Variants in GALM observed in about 807,000 individuals in gnomAD.
GALM encodes the protein galactose mutarotase.
GALM carries 43 observed loss-of-function variants against 37.4 expected under a neutral mutation model. The observed-to-expected ratio is 1.15, with a 90% CI of 0.90 to 1.48. The LOEUF is 1.48. Among genes scored for constraint, GALM ranks in the 40% most tolerant of loss-of-function variants. The pLI is 0.00. For synonymous variants in GALM, 199 were observed against 170.6 expected (o/e 1.17, Z -1.30); for missense variants, 456 against 419.1 (o/e 1.09, Z -0.77).
chr2:38,698,411 C>G (rs1665852732), intron 4 of GALM: 2 of 1,303,832 alleles, frequency 1.5e-6, no homozygotes, highest in Admixed American at 2.3e-5. Flanking sequence ...CTCCTTTTAC[C>G]CATGGACCAG....
chr2:38,708,806 T>A (rs2148447340), intron 4 of GALM, among the ~76,000 whole-genome samples: 1 of 149,668 alleles, frequency 6.7e-6, no homozygotes, highest in South Asian at 2.1e-4. Flanking sequence ...GGCAGGGAAG[T>A]GGGGTCAAAT....
At chr2:38,720,782 A>G (rs1021705119) in intron 4 of GALM, among the ~76,000 whole-genome samples, 1 of 152,194 alleles carries the variant, frequency 6.6e-6, no homozygotes, top group Non-Finnish European at 1.5e-5. Context: ...TGTCAGCCAG[A>G]ACAGCCCACA....
chr2:38,729,964 A>G (rs569703676), intron 5 of GALM, among the ~76,000 whole-genome samples: 89 of 152,054 alleles, frequency 5.9e-4, no homozygotes, highest in Middle Eastern at 3.4e-3. Context: ...ATTTTCTGTT[A>G]GAAGCCTTAA....
intron 3 of GALM, among the ~76,000 whole-genome samples, chr2:38,688,142 G>A (rs1280588881): frequency 6.6e-6 from 1 of 151,714 alleles, no homozygotes; most frequent in African/African-American, 2.4e-5. Flanking sequence ...AACCTGGGAG[G>A]CAGAGACTGC....
At chr2:38,702,295 C>A (rs6743790) in intron 4 of GALM, among the ~76,000 whole-genome samples, 34,672 of 151,776 alleles carry the variant, frequency 0.23, 4,707 homozygotes, top group Non-Finnish European at 0.3. Flanking sequence ...GGCTCTCAGG[C>A]CTCCCCAAAA....
intron 4 of GALM, among the ~76,000 whole-genome samples, chr2:38,690,242 CGGTT>C (rs1665641571): frequency 6.6e-6 from 1 of 151,846 alleles, no homozygotes; most frequent in Non-Finnish European, 1.5e-5. Flanking sequence ...GAGGCCAAGG[CGGTT>C]GGATCACTTG....
chr2:38,695,116 A>G (rs963837712), intron 4 of GALM, among the ~76,000 whole-genome samples: 5 of 151,788 alleles, frequency 3.3e-5, no homozygotes, highest in African/African-American at 7.3e-5. Flanking sequence ...TAGAAAAATC[A>G]CCTTCGGTAG....
At chr2:38,725,202 C>A (rs1666459889) in intron 4 of GALM, among the ~76,000 whole-genome samples, 2 of 152,094 alleles carry the variant, frequency 1.3e-5, no homozygotes, top group African/African-American at 4.8e-5. Context: ...TCTTCCTGAG[C>A]CCATGAGAAT....
intron 5 of GALM, 87 bp downstream of exon 5, chr2:38,729,784 A>T: frequency 9.0e-7 from 1 of 1,117,066 alleles, no homozygotes; most frequent in South Asian, 1.4e-5. Flanking sequence ...TGGCCATATC[A>T]ATAGCATTTA....
At chr2:38,708,383 G>A (rs1666083555) in intron 4 of GALM, among the ~76,000 whole-genome samples, 2 of 152,104 alleles carry the variant, frequency 1.3e-5, no homozygotes, top group African/African-American at 2.4e-5. Context: ...TTTAGCACAG[G>A]GCCATGGAAT....
intron 1 of GALM, among the ~76,000 whole-genome samples, chr2:38,674,596 A>G (rs1318243127): frequency 2.0e-5 from 3 of 152,288 alleles, no homozygotes; most frequent in East Asian, 1.9e-4. Context: ...CAAGCATTCT[A>G]TATTTCCTCT....
At chr2:38,711,552 T>C (rs920641744) in intron 4 of GALM, among the ~76,000 whole-genome samples, 16 of 152,008 alleles carry the variant, frequency 1.1e-4, no homozygotes, top group African/African-American at 3.9e-4. Flanking sequence ...CAGCCACATT[T>C]CTTCCTAGTC....
chr2:38,694,307 G>C (rs1170854419), intron 4 of GALM, among the ~76,000 whole-genome samples: 1 of 152,174 alleles, frequency 6.6e-6, no homozygotes, highest in East Asian at 1.9e-4. Flanking sequence ...CAATAAATGA[G>C]AAGTAAGCCA....
At chr2:38,703,222 C>G (rs558562002) in intron 4 of GALM, among the ~76,000 whole-genome samples, 1 of 145,778 alleles carries the variant, frequency 6.9e-6, no homozygotes, top group Admixed American at 7.0e-5. Context: ...ATTCTCCTGC[C>G]TCAGCCTCCC....
At chr2:38,705,094 C>T (rs949640581) in intron 4 of GALM, among the ~76,000 whole-genome samples, 21 of 152,306 alleles carry the variant, frequency 1.4e-4, no homozygotes, top group African/African-American at 5.1e-4. Context: ...GGCTAACAGT[C>T]AGTGAATTTG....
intron 4 of GALM, among the ~76,000 whole-genome samples, chr2:38,691,504 A>G (rs34875979): frequency 0.077 from 11,639 of 151,430 alleles, 596 homozygotes; most frequent in South Asian, 0.22. Context: ...ACACAGTGAG[A>G]TCCCATCTCA....
At chr2:38,698,602 C>G (rs1665857789) in intron 4 of GALM, among the ~76,000 whole-genome samples, 2 of 151,932 alleles carry the variant, frequency 1.3e-5, no homozygotes, top group Admixed American at 1.3e-4. Context: ...CATATGAGTC[C>G]CTCTGGCATG....
intron 3 of GALM, among the ~76,000 whole-genome samples, chr2:38,687,216 G>A (rs1301531182): frequency 1.3e-5 from 2 of 152,260 alleles, no homozygotes; most frequent in Non-Finnish European, 2.9e-5. Context: ...AGGAGAGAGA[G>A]CCGCACAGAA....
At chr2:38,676,814 G>A (rs1665271147) in intron 2 of GALM, among the ~76,000 whole-genome samples, 1 of 152,158 alleles carries the variant, frequency 6.6e-6, no homozygotes, top group South Asian at 2.1e-4. Context: ...TCCTAAGTGG[G>A]ACAACCAGGG....
Sources: allele counts gnomAD v4.1 joint callset (sites outside exome capture counted in the v4.1 genomes callset), GRCh38; gene constraint gnomAD v4.1.1; transcripts MANE v1.5; gene names NCBI Gene and HGNC (gene_info 2026-07-23, HGNC 2026-07-21).